NRXN1: variants seen among roughly 807,000 people sequenced by gnomAD.
NRXN1 encodes the protein neurexin 1, also known as neurexin-1.
In NRXN1, 39 loss-of-function variants were observed where a neutral mutation model predicts 150.9. The observed-to-expected ratio is 0.26, with a 90% CI of 0.20 to 0.34. NRXN1 has a LOEUF of 0.34. NRXN1 is among the 10% of genes least tolerant of loss of function. The pLI is 1.00. For synonymous variants in NRXN1, 924 were observed against 757.0 expected, an observed-to-expected ratio of 1.22 and a Z score of -3.62; for missense variants, 1,815 against 1,949.9, an observed-to-expected ratio of 0.93 and a Z score of 1.30.
chr2:50,377,593 C>A (rs2080613821), intron 17 of NRXN1, among the ~76,000 whole-genome samples: 1 of 152,130 alleles, frequency 6.6e-6, no homozygotes, highest in African/African-American at 2.4e-5. Context: ...AAAGTGCCCA[C>A]ATACTAAACG....
At chr2:50,141,927 T>C (rs909235210) in intron 18 of NRXN1, among the ~76,000 whole-genome samples, 1 of 152,202 alleles carries the variant, frequency 6.6e-6, no homozygotes, top group African/African-American at 2.4e-5. Context: ...AGCTATTACA[T>C]GATTCAGCAA....
At chr2:50,247,200 T>C (rs1029281633) in intron 17 of NRXN1, among the ~76,000 whole-genome samples, 1 of 152,044 alleles carries the variant, frequency 6.6e-6, no homozygotes, top group African/African-American at 2.4e-5. Flanking sequence ...AGAAAAAACA[T>C]GGTCGACTTA....
intron 18 of NRXN1, among the ~76,000 whole-genome samples, chr2:50,148,745 G>A (rs2058517148): frequency 6.6e-6 from 1 of 151,692 alleles, no homozygotes; most frequent in African/African-American, 2.4e-5. Context: ...AGTTTAATCA[G>A]ATTCTCAGTA....
chr2:49,968,450 G>A (rs1252380219), intron 21 of NRXN1, among the ~76,000 whole-genome samples: 1 of 151,970 alleles, frequency 6.6e-6, no homozygotes, highest in Non-Finnish European at 1.5e-5. Context: ...TCAGTATGTT[G>A]TCCTGAGAAC....
intron 10 of NRXN1, among the ~76,000 whole-genome samples, chr2:50,534,560 G>C (rs538197071): frequency 6.6e-6 from 1 of 152,110 alleles, no homozygotes. Flanking sequence ...AGAGAAAAAT[G>C]CTTGTGGTAT....
At chr2:50,691,814 T>C (rs1692126743) in intron 5 of NRXN1, among the ~76,000 whole-genome samples, 1 of 152,114 alleles carries the variant, frequency 6.6e-6, no homozygotes, top group South Asian at 2.1e-4. Flanking sequence ...AAATCTCTCA[T>C]TCACTTTCTC....
At chr2:49,923,036 T>G (rs1668499902) in intron 22 of NRXN1, among the ~76,000 whole-genome samples, 3 of 152,214 alleles carry the variant, frequency 2.0e-5, no homozygotes, top group Admixed American at 2.0e-4. Flanking sequence ...AGTCTAGTTT[T>G]ATTCAACTGA....
intron 21 of NRXN1, among the ~76,000 whole-genome samples, 179 bp from the exon 22 acceptor site, chr2:49,943,970 A>G (rs1672453841): frequency 6.6e-6 from 1 of 152,242 alleles, no homozygotes; most frequent in Non-Finnish European, 1.5e-5. Context: ...CCTATTTGTG[A>G]AAACTTGATT....
chr2:50,324,129 CAGGG>C (rs2076227624), intron 17 of NRXN1, among the ~76,000 whole-genome samples: 1 of 152,148 alleles, frequency 6.6e-6, no homozygotes, highest in East Asian at 1.9e-4. Context: ...AAACTTCAGG[CAGGG>C]TATATGCTTG....
rs1218227032 is a variant in NRXN1, at chr2:50,358,305, G to A, written c.3364+107137C>T. Among the ~76,000 whole-genome samples the A allele has an allele frequency of 3.3e-5, 5 of 152,320 alleles. No individual in the cohort carries two copies. The South Asian group carries it at 6.2e-4, about 19-fold the overall frequency. The stretch of plus-strand genomic sequence containing the variant: ...TTGCTCAGCGAATCCCACCCCCCTG[G>A]AGTCCAGCAAGCTAAGATCCACTGG... On this transcript the variant is annotated intron_variant, in intron 17 of 22. Transcript: ENST00000401669.
At chr2:50,917,942 ATAT>A (rs760049997) in intron 5 of NRXN1, 11 of 151,742 alleles carry the variant, frequency 7.2e-5, no homozygotes, top group Non-Finnish European at 1.5e-4. Context: ...GTTTAATGAA[ATAT>A]TATTGTGGTA....
chr2:50,118,307 C>T lies in NRXN1; in HGVS notation c.3547-26813G>A, dbSNP rs138709364. On this transcript the variant is annotated intron_variant, in intron 18 of 22. Transcript: ENST00000401669. The stretch of plus-strand genomic sequence containing the variant: ...ACAAGCTCCCAGGTGATGCTGATGC[C>T]GCCAGTCTGCAGGTTAACACCTTAA... Among the ~76,000 whole-genome samples, 6 of 152,162 alleles carry T rather than the reference C, an allele frequency of 3.9e-5. 1 individual carries two copies. The highest frequency in any genetic ancestry group is 9.6e-5 in the African/African-American group (4 of 41,512).
chr2:49,922,086 C>T lies in NRXN1; in HGVS notation c.4382G>A (p.Gly1461Asp), dbSNP rs1362325788. The T allele has an allele frequency of 6.2e-7, 1 of 1,613,968 alleles. No individual in the cohort carries two copies. Among genetic ancestry groups the T allele is most frequent in the East Asian group, 2.2e-5 (1 of 44,872 alleles). Reference sequence around the variant, plus strand: ...TCGACTCTCGTCCACATGGTATGAGCCTTCATCCCGGTTTCTGTACTTGTA... The same window carrying T: ...TCGACTCTCGTCCACATGGTATGAGTCTTCATCCCGGTTTCTGTACTTGTA... Reference protein sequence around the residue: ...AMYKYRNRDEGSYHVDESRNY... With the variant: ...AMYKYRNRDEDSYHVDESRNY... Residue 1461 changes from glycine to aspartate, a missense_variant, in exon 23 of 23, where the codon GGC becomes GAC. This residue lies in a region of NRXN1 where 265 missense variants were observed against 307.1 expected (regional missense o/e 0.86). Transcript: ENST00000401669.
intron 5 of NRXN1, among the ~76,000 whole-genome samples, chr2:50,914,413 T>G (rs1225293087): frequency 6.6e-6 from 1 of 151,762 alleles, no homozygotes; most frequent in Non-Finnish European, 1.5e-5. Flanking sequence ...TGAATCATGC[T>G]ATTCAGAAGC....
chr2:50,893,205 C>T (rs1036283166), intron 5 of NRXN1, among the ~76,000 whole-genome samples: 1 of 152,118 alleles, frequency 6.6e-6, no homozygotes, highest in African/African-American at 2.4e-5. Context: ...CCCTGGAGCA[C>T]CCAGCTGTCA....
At chr2:50,019,902 C>G (rs1191931417) in intron 21 of NRXN1, among the ~76,000 whole-genome samples, 2 of 135,468 alleles carry the variant, frequency 1.5e-5, no homozygotes, top group African/African-American at 5.6e-5. Flanking sequence ...GAGCCGAGAT[C>G]GCGCCACTGC....
intron 18 of NRXN1, among the ~76,000 whole-genome samples, chr2:50,141,075 C>T (rs1428307156): frequency 6.6e-6 from 1 of 151,896 alleles, no homozygotes; most frequent in East Asian, 1.9e-4. Context: ...CGTATCTAAA[C>T]AGACAGCCAA....
chr2:50,381,522 A>AACACACACACACAC (rs59726557), intron 17 of NRXN1, among the ~76,000 whole-genome samples: 3 of 128,502 alleles, frequency 2.3e-5, no homozygotes, highest in Non-Finnish European at 3.3e-5. Flanking sequence ...CAGGCTTTTA[A>AACACACACACACAC]ACACACACAC....
At chr2:50,100,337 G>T (rs1353454095) in intron 18 of NRXN1, among the ~76,000 whole-genome samples, 1 of 152,054 alleles carries the variant, frequency 6.6e-6, no homozygotes, top group Admixed American at 6.6e-5. Context: ...AGGATGGACA[G>T]ATCTTGAGCT....
Sources: gnomAD v4.1 joint callset for allele counts (sites outside exome capture counted in the v4.1 genomes callset) on GRCh38, gnomAD v4.1.1 for gene constraint, gnomAD v4.1.1 regional missense constraint, MANE v1.5 for transcripts, NCBI Gene and HGNC (gene_info 2026-07-23, HGNC 2026-07-21) for gene names.